The following ZC3HAV1 variants were observed in gnomAD, a reference collection of about 807,000 sequenced individuals.
ZC3HAV1 encodes the protein zinc finger CCCH-type containing, antiviral 1.
A neutral mutation model predicts 86.6 loss-of-function variants in ZC3HAV1; 41 were observed. The observed-to-expected ratio is 0.47, with a 90% CI of 0.37 to 0.61. ZC3HAV1 has a LOEUF of 0.61. Among genes scored for constraint, ZC3HAV1 ranks in the 20% least tolerant of loss-of-function variants. ZC3HAV1 has a pLI of 0.00. For missense variants in ZC3HAV1, 964 were observed against 1,141.1 expected, an observed-to-expected ratio of 0.84 and a Z score of 2.24; for synonymous variants, 421 against 432.1, an observed-to-expected ratio of 0.97 and a Z score of 0.32.
chr7:139,070,257 C>T (rs902043585), intron 7 of ZC3HAV1, among the ~76,000 whole-genome samples: 1 of 152,012 alleles, frequency 6.6e-6, no homozygotes, highest in African/African-American at 2.4e-5. Flanking sequence ...TTGAATGTTA[C>T]ATTCTAAAAA....
intron 6 of ZC3HAV1, among the ~76,000 whole-genome samples, chr7:139,076,071 A>G (rs1816932014): frequency 6.6e-6 from 1 of 152,214 alleles, no homozygotes; most frequent in Admixed American, 6.5e-5. Context: ...GATCTCTGGT[A>G]TTAGCCAGGC....
chr7:139,084,571 G>A (rs1817223806), intron 2 of ZC3HAV1, among the ~76,000 whole-genome samples: 1 of 152,206 alleles, frequency 6.6e-6, no homozygotes, highest in African/African-American at 2.4e-5. Flanking sequence ...AAATACTGCA[G>A]CTGAGGCCAC....
chr7:139,053,729 CAAT>C, intron 11 of ZC3HAV1, 148 bp from the exon 12 acceptor site: 1 of 1,141,280 alleles, frequency 8.8e-7, no homozygotes, highest in Non-Finnish European at 1.2e-6. Flanking sequence ...AGCAGCTGTA[CAAT>C]AATAAATTTA....
chr7:139,107,623 T>G (rs903341181), intron 1 of ZC3HAV1, among the ~76,000 whole-genome samples: 1 of 152,086 alleles, frequency 6.6e-6, no homozygotes, highest in Non-Finnish European at 1.5e-5. Flanking sequence ...GCCAACATGG[T>G]GAAACCCTGT....
At chr7:139,073,721 T>G (rs866544126) in intron 7 of ZC3HAV1, 135 bp downstream of exon 7, 22 of 753,044 alleles carry the variant, frequency 2.9e-5, no homozygotes, top group South Asian at 9.4e-5. Flanking sequence ...GAACTCCTGA[T>G]CTCAGGTGAT....
rs143838208 is a variant in ZC3HAV1 at position 139,055,235 on chromosome 7, G to A, written c.2157C>T (p.Asp719=). The change falls in exon 10 of 13, where the codon GAC becomes GAT. Residue 719 remains aspartate (D), a synonymous_variant. Transcript: ENST00000242351. The part of the protein sequence containing the change: ...SLTATFRPQE[D]FCFLSSKKYK... ...ATTTCTTTGAGGATAGGAAGCAAAA[G>A]TCCTCCTGAGGACGAAAGGTCGCAG... 1 of 1,613,104 alleles carries A rather than the reference G, an allele frequency of 6.2e-7. No individual in the cohort carries two copies. Among genetic ancestry groups the A allele is most frequent in the Admixed American group, 1.7e-5 (1 of 59,914 alleles).
At position 139,109,322 on chromosome 7, in the gene ZC3HAV1, G is replaced by A. The variant is rs1031715619; in HGVS notation, c.10C>T (p.Pro4Ser). The A allele has an allele frequency of 1.9e-6, 3 of 1,589,568 alleles. No individual in the cohort carries two copies. The highest frequency in any genetic ancestry group is 2.7e-5 in the African/African-American group (2 of 74,474). ...TTGGTGATGAAGCAGCACACCTCCGGGTCCGCCATGGCGCGCTGGCTGTGC... is the reference window on the plus strand; with the variant it reads ...TTGGTGATGAAGCAGCACACCTCCGAGTCCGCCATGGCGCGCTGGCTGTGC... MAD[P>S]EVCCFITKIL... Residue 4 changes from proline (P) to serine (S), a missense_variant, in exon 1 of 13, where the codon CCG becomes TCG. By Grantham distance (74) the Pro-to-Ser change is moderately conservative (BLOSUM62 -1). Transcript: ENST00000242351.
chr7:139,097,428 A>ATATATATATATATATATTTTTTTTTTTTT, intron 1 of ZC3HAV1, among the ~76,000 whole-genome samples: 1 of 48,158 alleles, frequency 2.1e-5, no homozygotes, highest in South Asian at 9.4e-4. Context: ...ATATATATAT[A>ATATATATATATATATATTTTTTTTTTTTT]TTTTTTTTTT....
rs773815590 is a variant in ZC3HAV1, at chr7:139,047,853, C to G, written c.2450G>C (p.Gly817Ala). The change falls in exon 13 of 13, where the codon GGA becomes GCA. Residue 817 changes from glycine to alanine, a missense_variant and splice_region_variant. Gly to Ala is a moderately conservative substitution (Grantham distance 60). Coordinates refer to ENST00000242351, the MANE Select transcript of ZC3HAV1 (RefSeq NM_020119.4). ...GATGGCATCTTTTGCAAAGTAAATT[C>G]CTAGAAAGAATCAGAAAGAAAAGTT... is the stretch of plus-strand genomic sequence containing the variant. Reference protein sequence around the residue: ...HETHENKYGKGIYFAKDAIYS... With the variant: ...HETHENKYGKAIYFAKDAIYS... 24 of 1,607,340 alleles carry G rather than the reference C, an allele frequency of 1.5e-5. No individual in the cohort carries two copies. Among genetic ancestry groups the G allele is most frequent in the Admixed American group, 8.6e-5 (5 of 57,936 alleles).
rs909548571 is a variant in ZC3HAV1 at position 139,044,880 on chromosome 7, TTC to T, written c.*2712_*2713del. The T allele has an allele frequency of 6.6e-6, 1 of 152,452 alleles. No homozygotes were observed. The highest frequency in any genetic ancestry group is 1.5e-5 in the Non-Finnish European group (1 of 68,040). The allele number at this position is 152,452 out of a possible 1,614,324, so 9.4% of individuals were successfully genotyped here. ...ATTTCAATAAAGGTTATTTCGTTCT[TTC>T]TCTTATATACAAATAAGTATTGTCA... On this transcript the variant is annotated 3_prime_UTR_variant, in exon 13 of 13. Coordinates refer to ENST00000242351, the MANE Select transcript of ZC3HAV1 (RefSeq NM_020119.4).
intron 1 of ZC3HAV1, among the ~76,000 whole-genome samples, chr7:139,099,916 A>AAAAATAAAT (rs1554445399): frequency 6.7e-6 from 1 of 149,990 alleles, no homozygotes; most frequent in Non-Finnish European, 1.5e-5. Flanking sequence ...GACAGAACAA[A>AAAAATAAAT]AAATAAATAA....
At chr7:139,094,068 A>G (rs996927798) in intron 1 of ZC3HAV1, among the ~76,000 whole-genome samples, 1 of 152,168 alleles carries the variant, frequency 6.6e-6, no homozygotes, top group Non-Finnish European at 1.5e-5. Context: ...CATCAGCATC[A>G]CTTGGGAGGT....
intron 7 of ZC3HAV1, among the ~76,000 whole-genome samples, chr7:139,070,533 G>A (rs938426405): frequency 7.2e-5 from 11 of 151,740 alleles, no homozygotes; most frequent in Admixed American, 3.3e-4. Context: ...GCGCGGTGGC[G>A]GGCGCCTGTA....
chr7:139,069,876 G>A (rs1398565677), intron 7 of ZC3HAV1, among the ~76,000 whole-genome samples: 1 of 152,084 alleles, frequency 6.6e-6, no homozygotes, highest in Non-Finnish European at 1.5e-5. Context: ...TGGGGCACTG[G>A]CAGAAGGCTT....
At position 139,061,145 on chromosome 7, in the gene ZC3HAV1, A is replaced by G. The variant is rs954574892; in HGVS notation, c.1994-7T>C. On this transcript the variant is annotated splice_region_variant and splice_polypyrimidine_tract_variant and intron_variant, in intron 8 of 12. Coordinates refer to ENST00000242351, the MANE Select transcript of ZC3HAV1 (RefSeq NM_020119.4). ...ATGTTTGTCTGAATCATCCCTTTGG[A>G]CAGAAAAAAAAATAAAAGCAGTGAG... The G allele has an allele frequency of 1.2e-6, 2 of 1,607,082 alleles. No homozygotes were observed. The highest frequency in any genetic ancestry group is 1.7e-5 in the Admixed American group (1 of 58,870).
intron 12 of ZC3HAV1, among the ~76,000 whole-genome samples, chr7:139,048,170 C>A (rs1255810736): frequency 6.6e-6 from 1 of 152,216 alleles, no homozygotes; most frequent in African/African-American, 2.4e-5. Flanking sequence ...CCAGTGTGAG[C>A]TGAATGAGCA....
intron 5 of ZC3HAV1, among the ~76,000 whole-genome samples, chr7:139,077,202 T>C (rs1563132519): frequency 6.6e-6 from 1 of 152,218 alleles, no homozygotes; most frequent in South Asian, 2.1e-4. Flanking sequence ...ATGTTTTTAC[T>C]TACTTCACGC....
intron 1 of ZC3HAV1, among the ~76,000 whole-genome samples, chr7:139,105,846 C>T (rs531791462): frequency 1.4e-4 from 21 of 151,996 alleles, no homozygotes; most frequent in African/African-American, 4.6e-4. Context: ...TTTTATTACT[C>T]GCTAAGAGGA....
intron 12 of ZC3HAV1, among the ~76,000 whole-genome samples, chr7:139,049,143 T>C (rs1392602038): frequency 1.2e-5 from 1 of 81,848 alleles, no homozygotes; most frequent in Non-Finnish European, 3.1e-5. Flanking sequence ...TTTTTTTTTT[T>C]CGTTGTTGTT....
Sources: allele counts gnomAD v4.1 joint callset (sites outside exome capture counted in the v4.1 genomes callset), GRCh38; gene constraint gnomAD v4.1.1; transcripts MANE v1.5; gene names NCBI Gene and HGNC (gene_info 2026-07-23, HGNC 2026-07-21).